Variants in PMS2 observed in about 807,000 individuals in gnomAD.
The protein encoded by PMS2 is PMS1 homolog 2, mismatch repair system component, also known as mismatch repair endonuclease PMS2.
Under a neutral mutation model 90.0 loss-of-function variants are expected in PMS2, and 69 were observed. The observed-to-expected ratio is 0.77, with a 90% CI of 0.63 to 0.94. The LOEUF (loss-of-function observed/expected upper bound fraction) is 0.94, where lower values mean the gene tolerates loss of function less well. Among genes scored for constraint, PMS2 ranks in the 40% least tolerant of loss-of-function variants. The probability of loss-of-function intolerance (pLI) is 0.00; values close to 1 mark genes in which losing one functional copy is unlikely to be tolerated. For synonymous variants in PMS2, 332 were observed against 375.1 expected (o/e 0.89, Z 1.33); for missense variants, 966 against 1,040.2 (o/e 0.93, Z 0.98).
rs1369504556 is a variant in PMS2 at position 5,973,198 on chromosome 7, C to G, written c.*201G>C. 2 of 479,736 alleles carry G rather than the reference C, an allele frequency of 4.2e-6. No homozygotes were observed. Among genetic ancestry groups the G allele is most frequent in the Admixed American group, 3.4e-5 (1 of 29,310 alleles). 29.7% of individuals were successfully genotyped at this position (479,736 alleles called of 1,614,324 possible). ...TTGCCTGGACACACACACACGAGCG[C>G]ATGCAAACATAGAGAAAAAAAATTT... On this transcript the variant is annotated 3_prime_UTR_variant, in exon 15 of 15. Coordinates refer to ENST00000265849, the MANE Select transcript of PMS2 (RefSeq NM_000535.7).
At chr7:6,001,479 T>C (rs1468812928) in intron 5 of PMS2, among the ~76,000 whole-genome samples, 2 of 151,710 alleles carry the variant, frequency 1.3e-5, no homozygotes, top group Non-Finnish European at 2.9e-5. Flanking sequence ...CCAGCGATTC[T>C]CCTGCCTCAG....
intron 8 of PMS2, among the ~76,000 whole-genome samples, chr7:5,994,901 T>G (rs1167555327): frequency 2.0e-5 from 3 of 152,284 alleles, no homozygotes; most frequent in African/African-American, 7.2e-5. Context: ...CAAAATAACC[T>G]ATTTTATAAT....
intron 1 of PMS2, among the ~76,000 whole-genome samples, chr7:6,007,955 G>T (rs1786037597): frequency 6.6e-6 from 1 of 150,744 alleles, no homozygotes. Flanking sequence ...CGCCTCCTGG[G>T]TTCCAGCGAT....
intron 12 of PMS2, among the ~76,000 whole-genome samples, chr7:5,982,075 G>C (rs902768229): frequency 1.3e-5 from 2 of 151,656 alleles, no homozygotes; most frequent in African/African-American, 4.8e-5. Context: ...GAGTGCAGTG[G>C]TGCGATCTCG....
rs571688256 is a variant in PMS2 at position 5,995,682 on chromosome 7, T to C, written c.804-49A>G. ...GGCAGGATTCCAGAGTGAAAGGGAT[T>C]AGAAATACGATCACATGGCACATTC... On this transcript the variant is annotated intron_variant, in intron 7 of 14. Coordinates refer to ENST00000265849, the MANE Select transcript of PMS2 (RefSeq NM_000535.7). 3.3e-5 allele frequency: 41 copies of C among 1,227,084 alleles called. No individual in the cohort carries two copies. The highest frequency in any genetic ancestry group is 1.3e-4 in the Admixed American group (8 of 59,516). 76.0% of individuals were successfully genotyped at this position (1,227,084 alleles called of 1,614,324 possible). A position where few individuals can be genotyped will look rare whatever the true frequency, so the allele number is the denominator to read the frequency against.
Position 5,992,057 on chromosome 7 carries a change from C to A in PMS2, c.904G>T (p.Val302Phe), listed in dbSNP as rs755960629. Residue 302 changes from valine to phenylalanine, a missense_variant and splice_region_variant, in exon 9 of 15, where the codon GTC (valine) becomes TTC (phenylalanine). Transcript: ENST00000265849. Reference sequence around the variant, plus strand: ...TAGACCTCATTCACGAGTCTGCAGACCTGCACAAAATACAAGGAGTAGAAA... The same window carrying A: ...TAGACCTCATTCACGAGTCTGCAGAACTGCACAAAATACAAGGAGTAGAAA... ...INRRPCDPAK[V>F]CRLVNEVYHM... 7.2e-6 allele frequency: 11 copies of A among 1,525,980 alleles called. No individual in the cohort carries two copies. The East Asian group carries it at 2.2e-4, about 31-fold the overall frequency. 94.5% of individuals were successfully genotyped at this position (1,525,980 alleles called of 1,614,324 possible).
chr7:5,993,556 A>T lies in PMS2; in HGVS notation c.904-1499T>A, dbSNP rs193049957. Among the ~76,000 whole-genome samples, 80 of 150,620 alleles carry T rather than the reference A, an allele frequency of 5.3e-4. 2 individuals are homozygous for T. The East Asian group carries it at 0.013, about 24-fold the overall frequency. On this transcript the variant is annotated intron_variant, in intron 8 of 14. Transcript: ENST00000265849. ...AATAGAAAGAAGAGAAAATATAGAA[A>T]TCTATAGAAAATATAGAAACCATGG... is the stretch of plus-strand genomic sequence containing the variant.
At chr7:5,992,246 C>T (rs1245515164) in intron 8 of PMS2, among the ~76,000 whole-genome samples, 189 bp from the exon 9 acceptor site, 1 of 151,354 alleles carries the variant, frequency 6.6e-6, no homozygotes, top group African/African-American at 2.4e-5. Context: ...TGGCTCACTG[C>T]AGCCTCAACC....
chr7:5,990,387 T>A lies in PMS2; in HGVS notation c.989-432A>T, dbSNP rs553283986. The stretch of plus-strand genomic sequence containing the variant: ...TTATCACAAGTGCTATTAAAAACAT[T>A]ACAGTGTCCAGGTTAAGATTCATAA... On this transcript the variant is annotated intron_variant, in intron 9 of 14. Transcript: ENST00000265849. Among the ~76,000 whole-genome samples the A allele has an allele frequency of 4.5e-4, 69 of 152,334 alleles. 1 individual carries two copies. The highest frequency in any genetic ancestry group is 1.6e-3 in the African/African-American group (65 of 41,580).
chr7:5,982,264 G>A (rs1782362544), intron 12 of PMS2, among the ~76,000 whole-genome samples: 1 of 152,054 alleles, frequency 6.6e-6, no homozygotes, highest in Admixed American at 6.6e-5. Context: ...GGAGTGCGAT[G>A]GCACGAACTC....
intron 12 of PMS2, among the ~76,000 whole-genome samples, chr7:5,981,135 T>C (rs977826032): frequency 3.3e-5 from 5 of 151,916 alleles, no homozygotes; most frequent in African/African-American, 1.2e-4. Context: ...CACCTGACCT[T>C]TGTGAAGTAG....
Position 6,009,034 on chromosome 7 carries a change from AT to A in PMS2, c.-16del. On this transcript the variant is annotated 5_prime_UTR_variant, in exon 1 of 15. Transcript: ENST00000265849. ...GCTCGCTCCATGGATGCAACACCCG[AT>A]CCGCCTCGGGGACTGGGAAAGTTCC... is the stretch of plus-strand genomic sequence containing the variant. 6.2e-7 allele frequency: 1 copy of A among 1,612,428 alleles called. No individual in the cohort carries two copies. The highest frequency in any genetic ancestry group is 8.5e-7 in the Non-Finnish European group (1 of 1,179,806).
In PMS2 at chr7:6,002,523, G is replaced by A. The variant is rs1554303953; in HGVS notation, c.467C>T (p.Thr156Ile). ...KTPYPRPRGT[T>I]VSVQQLFSTL... ...GGAAAATAACTGCTGCACGCTGACTGTGGTCCCTCTGGGGCGGGGGTAGGG... is the reference window on the plus strand; with the variant it reads ...GGAAAATAACTGCTGCACGCTGACTATGGTCCCTCTGGGGCGGGGGTAGGG... The change falls in exon 5 of 15, where the codon ACA becomes ATA. Residue 156 changes from threonine to isoleucine, a missense_variant. Coordinates refer to ENST00000265849, the MANE Select transcript of PMS2 (RefSeq NM_000535.7). 2 of 1,611,666 alleles carry A rather than the reference G, an allele frequency of 1.2e-6. No homozygotes were observed. Among genetic ancestry groups the A allele is most frequent in the African/African-American group, 1.3e-5 (1 of 74,974 alleles).
In PMS2 at chr7:5,987,314, G is replaced by A. The variant is rs1583319873; in HGVS notation, c.1451C>T (p.Pro484Leu). The stretch of plus-strand genomic sequence containing the variant: ...CTTCTCCACCTCCGCTCTGTCCGTA[G>A]GGTCACTGGGTCCGTGACTGGAACT... ...AVSSSHGPSD[P>L]TDRAEVEKDS... is the part of the protein sequence containing the mutation. The change falls in exon 11 of 15, where the codon CCT becomes CTT. Residue 484 changes from proline to leucine, a missense_variant. By Grantham distance (98) the Pro-to-Leu change is moderately conservative. Coordinates refer to ENST00000265849, the MANE Select transcript of PMS2 (RefSeq NM_000535.7). 6.2e-7 allele frequency: 1 copy of A among 1,614,090 alleles called. No homozygotes were observed.
chr7:5,983,637 C>T (rs1782547166), intron 11 of PMS2, among the ~76,000 whole-genome samples: 1 of 151,472 alleles, frequency 6.6e-6, no homozygotes, highest in South Asian at 2.1e-4. Context: ...CATAGATCTA[C>T]TTCATTATTT....
rs536701379 is a variant in PMS2, at chr7:5,977,956, A to G, written c.2276-199T>C. On this transcript the variant is annotated intron_variant, in intron 13 of 14. Transcript: ENST00000265849. ...AACATGGTGAAACCCCGTCTCTACT[A>G]AAAAATAGAAAAAATTAGCTGGGTG... is the stretch of plus-strand genomic sequence containing the variant. Among the ~76,000 whole-genome samples the G allele has an allele frequency of 1.1e-4, 16 of 150,370 alleles. No individual in the cohort carries two copies. In the South Asian group the frequency reaches 3.4e-3, roughly 32 times the overall value.
At position 5,997,451 on chromosome 7, in the gene PMS2, T is replaced by G. The variant is rs774150961; in HGVS notation, c.706-28A>C. On this transcript the variant is annotated intron_variant, in intron 6 of 14. Transcript: ENST00000265849. The stretch of plus-strand genomic sequence containing the variant: ...GAAAAAAAAAAAAAAAAATTCACAG[T>G]TACTTCCTAATAAAGACAGAGTGGA... The G allele has an allele frequency of 8.9e-6, 11 of 1,241,516 alleles. No homozygotes were observed. The South Asian group carries it at 1.2e-4, about 14-fold the overall frequency. 76.9% of individuals were successfully genotyped at this position (1,241,516 alleles called of 1,614,324 possible).
chr7:6,004,272 C>G, intron 2 of PMS2: 2 of 432,344 alleles, frequency 4.6e-6, no homozygotes, highest in East Asian at 4.2e-5. Flanking sequence ...TTTCTTTCCT[C>G]TTTTTTTTTC....
At chr7:5,978,332 G>A (rs1477785136) in intron 13 of PMS2, among the ~76,000 whole-genome samples, 1 of 146,764 alleles carries the variant, frequency 6.8e-6, no homozygotes, top group Non-Finnish European at 1.5e-5. Context: ...GTGCAGTGAC[G>A]TGATCTCGGC....
Sources: allele counts gnomAD v4.1 joint callset (sites outside exome capture counted in the v4.1 genomes callset), GRCh38; gene constraint gnomAD v4.1.1; transcripts MANE v1.5; gene names NCBI Gene and HGNC (gene_info 2026-07-23, HGNC 2026-07-21).